PNLIP: variants seen among roughly 807,000 people sequenced by gnomAD.
PNLIP encodes the protein pancreatic lipase, also known as pancreatic triacylglycerol lipase.
A neutral mutation model predicts 57.1 loss-of-function variants in PNLIP; 49 were observed. The ratio of observed to expected loss-of-function variants is 0.86; its 90% CI spans 0.68 to 1.09. PNLIP has a LOEUF of 1.09. Among genes scored for constraint, PNLIP ranks in the 50% least tolerant of loss-of-function variants. The pLI is 0.00. For missense variants in PNLIP, 503 were observed against 570.2 expected, an observed-to-expected ratio of 0.88 and a Z score of 1.20; for synonymous variants, 209 against 200.4, an observed-to-expected ratio of 1.04 and a Z score of -0.36.
intron 12 of PNLIP, among the ~76,000 whole-genome samples, chr10:116,562,963 A>G (rs183280209): frequency 2.1e-3 from 315 of 152,334 alleles, no homozygotes; most frequent in African/African-American, 7.2e-3. Context: ...TCAAGTACCT[A>G]AAACTCTAAA....
At chr10:116,555,974 G>A (rs755091099) in intron 8 of PNLIP, 26 bp from the exon 9 acceptor site, 1 of 1,332,190 alleles carries the variant, frequency 7.5e-7, no homozygotes, top group Non-Finnish European at 1.1e-6. Flanking sequence ...ATCTGTCCTT[G>A]ATGTGTAATT....
rs775565405 is a variant in PNLIP, at chr10:116,555,508, G to A, written c.811+1G>A. 2 of 1,613,930 alleles carry A rather than the reference G, an allele frequency of 1.2e-6. No individual in the cohort carries two copies. The highest frequency in any genetic ancestry group is 1.7e-5 in the Admixed American group (1 of 60,004). Reference sequence around the variant, plus strand: ...GTGGACATAGACGGAATCTGGGAAGGTAGAACTATTATGTGTAGAAAGAGA... The same window carrying A: ...GTGGACATAGACGGAATCTGGGAAGATAGAACTATTATGTGTAGAAAGAGA... On this transcript the variant is annotated splice_donor_variant, in intron 8 of 12. Coordinates refer to ENST00000369221, the MANE Select transcript of PNLIP (RefSeq NM_000936.4). LOFTEE classifies it high-confidence loss of function.
chr10:116,548,050 G>A (rs1847150079), intron 3 of PNLIP, among the ~76,000 whole-genome samples: 1 of 151,596 alleles, frequency 6.6e-6, no homozygotes, highest in African/African-American at 2.4e-5. Context: ...TCTCTACATA[G>A]ATAAAGACAT....
In PNLIP at chr10:116,547,462, C is replaced by T; in HGVS notation, c.201+14C>T. 6.2e-7 allele frequency: 1 copy of T among 1,607,986 alleles called. No individual in the cohort carries two copies. The highest frequency in any genetic ancestry group is 8.5e-7 in the Non-Finnish European group (1 of 1,177,258). Reference sequence around the variant, plus strand: ...AACAACTTTCAAGTAAGAACTATCACTGTGTTTAGAACTAAGTTCTTTGGG... The same window carrying T: ...AACAACTTTCAAGTAAGAACTATCATTGTGTTTAGAACTAAGTTCTTTGGG... On this transcript the variant is annotated intron_variant, in intron 3 of 12. Transcript: ENST00000369221.
chr10:116,561,505 T>C lies in PNLIP; in HGVS notation c.1203T>C (p.Asn401=). Residue 401 remains asparagine (N), a synonymous_variant, in exon 12 of 13, where the codon AAT becomes AAC. Coordinates refer to ENST00000369221, the MANE Select transcript of PNLIP (RefSeq NM_000936.4). ...TCAAACCAGATAGTACTCATTCCAATGAATTTGACTCAGATGTGGATGTTG... is the reference window on the plus strand; with the variant it reads ...TCAAACCAGATAGTACTCATTCCAACGAATTTGACTCAGATGTGGATGTTG... ...GTLKPDSTHS[N]EFDSDVDVGD... is the part of the protein sequence containing the mutation. The C allele has an allele frequency of 3.1e-6, 5 of 1,614,000 alleles. No homozygotes were observed. Among genetic ancestry groups the C allele is most frequent in the Non-Finnish European group, 4.2e-6 (5 of 1,179,924 alleles).
chr10:116,549,704 G>T (rs2133198834), intron 4 of PNLIP, among the ~76,000 whole-genome samples: 1 of 152,108 alleles, frequency 6.6e-6, no homozygotes, highest in South Asian at 2.1e-4. Flanking sequence ...CTGGAGGGAG[G>T]GTAATAATAG....
At chr10:116,552,047 C>T (rs1198079286) in intron 5 of PNLIP, among the ~76,000 whole-genome samples, 2 of 152,104 alleles carry the variant, frequency 1.3e-5, no homozygotes, top group Admixed American at 6.5e-5. Flanking sequence ...TATCATGATA[C>T]CACAGCACAA....
chr10:116,549,434 G>A (rs1014534499), intron 4 of PNLIP, among the ~76,000 whole-genome samples: 25 of 151,950 alleles, frequency 1.6e-4, no homozygotes, highest in African/African-American at 4.6e-4. Flanking sequence ...AGCCAAGATC[G>A]TGCCACTGCA....
intron 5 of PNLIP, 28 bp downstream of exon 5, chr10:116,551,260 C>T (rs2133200068): frequency 6.6e-7 from 1 of 1,506,244 alleles, no homozygotes; most frequent in African/African-American, 1.4e-5. Flanking sequence ...GCATAAAAGC[C>T]TGTACACATG....
chr10:116,550,997 T>C, intron 4 of PNLIP, 101 bp from the exon 5 acceptor site: 1 of 929,142 alleles, frequency 1.1e-6, no homozygotes, highest in Non-Finnish European at 1.5e-6. Context: ...AATGACATTG[T>C]GTGGGTCAAG....
Position 116,553,795 on chromosome 10 carries a change from G to C in PNLIP, c.528G>C (p.Gly176=). ...ACAGCCTGGGTGCCCACGCTGCTGG[G>C]GAGGCTGGAAGGAGAACCAATGGGA... is the stretch of plus-strand genomic sequence containing the variant. The part of the protein sequence containing the change: ...IGHSLGAHAA[G]EAGRRTNGTI... The change falls in exon 6 of 13, where the codon GGG becomes GGC. Residue 176 remains glycine (G), a synonymous_variant. Transcript: ENST00000369221. The C allele has an allele frequency of 1.2e-6, 2 of 1,613,402 alleles. No homozygotes were observed. Among genetic ancestry groups the C allele is most frequent in the Non-Finnish European group, 1.7e-6 (2 of 1,179,642 alleles).
At position 116,567,834 on chromosome 10, in the gene PNLIP, A is replaced by G. The variant is rs376109385; in HGVS notation, c.*36A>G. The G allele has an allele frequency of 1.0e-5, 15 of 1,494,562 alleles. No individual in the cohort carries two copies. Among genetic ancestry groups the G allele is most frequent in the Non-Finnish European group, 1.3e-5 (14 of 1,070,922 alleles). The allele number at this position is 1,494,562 out of a possible 1,614,324, so 92.6% of individuals were successfully genotyped here. A position where few individuals can be genotyped will look rare whatever the true frequency, so the allele number is the denominator to read the frequency against. On this transcript the variant is annotated 3_prime_UTR_variant, in exon 13 of 13. Coordinates refer to ENST00000369221, the MANE Select transcript of PNLIP (RefSeq NM_000936.4). ...TTATTTGACCAATGAATTGACTTCT[A>G]ATAAAATCTAGTGGTGATGCATTAC... is the stretch of plus-strand genomic sequence containing the variant.
At chr10:116,557,445 T>A (rs1298380206) in intron 9 of PNLIP, among the ~76,000 whole-genome samples, 1 of 152,156 alleles carries the variant, frequency 6.6e-6, no homozygotes, top group South Asian at 2.1e-4. Context: ...AGGAAATGAA[T>A]TGGGAGTCCA....
chr10:116,553,884 A>T, intron 6 of PNLIP, 46 bp downstream of exon 6: 3 of 1,179,672 alleles, frequency 2.5e-6, no homozygotes, highest in Non-Finnish European at 3.7e-6. Flanking sequence ...AGGCAAGATG[A>T]TCTCTTGAGG....
chr10:116,548,278 T>C (rs1329673233), intron 3 of PNLIP, 82 bp from the exon 4 acceptor site: 18 of 1,363,480 alleles, frequency 1.3e-5, no homozygotes, highest in Non-Finnish European at 1.8e-5. Flanking sequence ...AGCAGTCTTC[T>C]ACTTACTGCC....
intron 7 of PNLIP, 26 bp downstream of exon 7, chr10:116,555,323 AG>A: frequency 1.9e-6 from 3 of 1,614,102 alleles, no homozygotes; most frequent in Non-Finnish European, 2.5e-6. Flanking sequence ...CGTCCCCCAA[AG>A]GGTGTTATAG....
chr10:116,559,340 T>G, intron 10 of PNLIP, 57 bp downstream of exon 10: 1 of 1,340,532 alleles, frequency 7.5e-7, no homozygotes, highest in Non-Finnish European at 1.0e-6. Context: ...TATTATTATG[T>G]CCACTGAAAA....
intron 12 of PNLIP, among the ~76,000 whole-genome samples, chr10:116,562,816 G>A (rs905485252): frequency 4.6e-5 from 7 of 152,186 alleles, no homozygotes. Context: ...AGGACACAGG[G>A]TAGAGTATTT....
intron 2 of PNLIP, among the ~76,000 whole-genome samples, chr10:116,546,714 T>G (rs745982995): frequency 6.6e-5 from 10 of 152,240 alleles, no homozygotes; most frequent in Non-Finnish European, 1.0e-4. Context: ...CTACCATTAA[T>G]CTAGATTTAT....
Sources: gnomAD v4.1 joint callset for allele counts (sites outside exome capture counted in the v4.1 genomes callset) on GRCh38, gnomAD v4.1.1 for gene constraint, MANE v1.5 for transcripts, NCBI Gene and HGNC (gene_info 2026-07-23, HGNC 2026-07-21) for gene names.